Variants in APC observed in about 807,000 individuals in gnomAD.
The protein encoded by APC is APC regulator of Wnt signaling pathway, also known as adenomatous polyposis coli protein.
In APC, 72 loss-of-function variants were observed where a neutral mutation model predicts 247.0. That is an observed-to-expected ratio of 0.29 (90% CI 0.24 to 0.35). The LOEUF (loss-of-function observed/expected upper bound fraction) is 0.35, where lower values mean the gene tolerates loss of function less well. APC is among the 10% of genes least tolerant of loss of function. APC has a pLI of 1.00. For missense variants in APC, 3,400 were observed against 3,360.7 expected, an observed-to-expected ratio of 1.01 and a Z score of -0.29; for synonymous variants, 1,254 against 1,162.5, an observed-to-expected ratio of 1.08 and a Z score of -1.60.
intron 9 of APC, 69 bp downstream of exon 9, chr5:112,815,662 G>T (rs1419941688): frequency 3.0e-5 from 38 of 1,253,868 alleles, no homozygotes; most frequent in Non-Finnish European, 4.0e-5. Context: ...TTGGCCAGGT[G>T]CAGTGGCTCA....
intron 6 of APC, among the ~76,000 whole-genome samples, chr5:112,789,930 G>T (rs772787301): frequency 6.6e-6 from 1 of 151,026 alleles, no homozygotes; most frequent in Non-Finnish European, 1.5e-5. Flanking sequence ...GCACGATATC[G>T]CTCACTGCAA....
Position 112,839,198 on chromosome 5 carries a change from T to G in APC, c.3604T>G (p.Ser1202Ala), listed in dbSNP as rs766010012. The part of the protein sequence containing the change: ...KQSFSFSKSS[S>A]GQSSKTEHMS... ...GTCATTTTCATTCTCAAAGAGTTCA[T>G]CTGGACAAAGCAGTAAAACCGAACA... The change falls in exon 16 of 16, where the codon TCT (serine) becomes GCT (alanine). Residue 1202 changes from serine to alanine, a missense_variant. Ser to Ala is a moderately conservative substitution (Grantham distance 99, BLOSUM62 1). This residue lies in a region of APC where 715 missense variants were observed against 656.6 expected (regional missense o/e 1.09). Transcript: ENST00000257430. This position sits in a 1 kb window ranked among gnomAD's most constrained non-coding sequence, Gnocchi z 5.0. 2 of 1,614,040 alleles carry G rather than the reference T, an allele frequency of 1.2e-6. No individual in the cohort carries two copies. The highest frequency in any genetic ancestry group is 2.7e-5 in the African/African-American group (2 of 74,922).
rs1554085700 is a variant in APC at position 112,839,864 on chromosome 5, C to A, written c.4270C>A (p.Pro1424Thr). ...TGGCATTATAAGCCCCAGTGATCTT[C>A]CAGATAGCCCTGGACAAACCATGCC... ...VSGIISPSDL[P>T]DSPGQTMPPS... The change falls in exon 16 of 16, where the codon CCA becomes ACA. Residue 1424 changes from proline (P) to threonine (T), a missense_variant. Pro to Thr is a conservative substitution (Grantham distance 38). Transcript: ENST00000257430. The surrounding 1 kb of genome is among the most constrained non-coding windows in gnomAD (Gnocchi z 5.0). The A allele has an allele frequency of 6.2e-7, 1 of 1,613,940 alleles. No individual in the cohort carries two copies. Among genetic ancestry groups the A allele is most frequent in the Non-Finnish European group, 8.5e-7 (1 of 1,179,998 alleles).
chr5:112,751,094 A>T (rs1044223979), intron 1 of APC, among the ~76,000 whole-genome samples: 1 of 152,066 alleles, frequency 6.6e-6, no homozygotes, highest in Non-Finnish European at 1.5e-5. Context: ...TTTTTAAAAA[A>T]CTTTTAATTT....
At chr5:112,744,968 CACCT>C (rs1270237749) in intron 1 of APC, among the ~76,000 whole-genome samples, 1 of 152,112 alleles carries the variant, frequency 6.6e-6, no homozygotes, top group African/African-American at 2.4e-5. Flanking sequence ...AAATGAGTAA[CACCT>C]ACCTCATAGG....
At chr5:112,754,610 A>G (rs1271175755) in intron 1 of APC, among the ~76,000 whole-genome samples, 2 of 152,214 alleles carry the variant, frequency 1.3e-5, no homozygotes, top group Non-Finnish European at 2.9e-5. Flanking sequence ...AGTTTAATCC[A>G]TCTGTGAGAA....
At chr5:112,759,032 T>G (rs1357031880) in intron 2 of APC, among the ~76,000 whole-genome samples, 1 of 152,226 alleles carries the variant, frequency 6.6e-6, no homozygotes, top group African/African-American at 2.4e-5. Flanking sequence ...TATTGAAGCA[T>G]TTACATCTTT....
intron 13 of APC, among the ~76,000 whole-genome samples, chr5:112,828,539 A>C (rs917113939): frequency 2.6e-5 from 4 of 151,376 alleles, no homozygotes; most frequent in African/African-American, 9.7e-5. Flanking sequence ...AGTAACCTCA[A>C]GCTCCTGGGA....
At chr5:112,708,059 C>T (rs188992206) in intron 1 of APC, among the ~76,000 whole-genome samples, 1 of 152,320 alleles carries the variant, frequency 6.6e-6, no homozygotes, top group East Asian at 1.9e-4. Context: ...CCTGGCTTTG[C>T]AGGTCCTCCA....
At chr5:112,759,356 CT>C (rs887438895) in intron 2 of APC, among the ~76,000 whole-genome samples, 120 of 122,338 alleles carry the variant, frequency 9.8e-4, no homozygotes, top group Middle Eastern at 8.3e-3. Context: ...TTCTTTCTTT[CT>C]TTTTTTTTTT....
chr5:112,823,135 A>G (rs1763308582), intron 11 of APC, among the ~76,000 whole-genome samples: 1 of 152,224 alleles, frequency 6.6e-6, no homozygotes, highest in South Asian at 2.1e-4. Flanking sequence ...CATAACAGGA[A>G]GGGGATAAAA....
upstream of APC, among the ~76,000 whole-genome samples, chr5:112,734,777 T>TTGTG (rs71626673): frequency 2.7e-5 from 4 of 146,820 alleles, no homozygotes; most frequent in African/African-American, 7.6e-5. Context: ...AAGGGTTTTC[T>TTGTG]TGTGTGTGTG....
At chr5:112,780,620 C>T (rs919092375) in intron 5 of APC, among the ~76,000 whole-genome samples, 170 bp from the exon 6 acceptor site, 1 of 152,178 alleles carries the variant, frequency 6.6e-6, no homozygotes, top group African/African-American at 2.4e-5. Flanking sequence ...TTGAGTCTGA[C>T]ACCTATAATC....
At chr5:112,759,273 C>A (rs1755370240) in intron 2 of APC, among the ~76,000 whole-genome samples, 1 of 151,176 alleles carries the variant, frequency 6.6e-6, no homozygotes, top group Non-Finnish European at 1.5e-5. Context: ...CCTGAAATGA[C>A]AAAGTTGCTC....
chr5:112,801,129 A>C (rs1160993875), intron 7 of APC, 150 bp from the exon 8 acceptor site: 8 of 580,864 alleles, frequency 1.4e-5, no homozygotes, highest in Non-Finnish European at 2.2e-5. Context: ...ATCGTACTGG[A>C]GGTTATGAAG....
chr5:112,838,656 T>C lies in APC; in HGVS notation c.3062T>C (p.Leu1021Pro), dbSNP rs1765328284. The change falls in exon 16 of 16, where the codon CTA becomes CCA. Residue 1021 changes from leucine to proline, a missense_variant. Leu to Pro is a moderately conservative substitution (Grantham distance 98). Transcript: ENST00000257430. ...CATATGGATGATAATGATGGAGAAC[T>C]AGATACACCAATAAATTATAGTCTT... ...ANHMDDNDGELDTPINYSLKY... is the reference protein window; with the variant it reads ...ANHMDDNDGEPDTPINYSLKY... The C allele has an allele frequency of 6.2e-7, 1 of 1,614,140 alleles. No homozygotes were observed. The highest frequency in any genetic ancestry group is 8.5e-7 in the Non-Finnish European group (1 of 1,180,032).
chr5:112,710,146 C>A (rs1202744541), intron 1 of APC, among the ~76,000 whole-genome samples: 1 of 152,094 alleles, frequency 6.6e-6, no homozygotes, highest in African/African-American at 2.4e-5. Context: ...GTCCCCAATC[C>A]TAAATAAGCC....
In APC at chr5:112,828,807, A is replaced by T. The variant is rs1763998946; in HGVS notation, c.1627-49A>T. On this transcript the variant is annotated intron_variant, in intron 13 of 15. Coordinates refer to ENST00000257430, the MANE Select transcript of APC (RefSeq NM_000038.6). ...TGCTAGCATTAAAAACAAAAAAGCA[A>T]CTAGTATGATTTTATGTATAAATTA... 4.5e-6 allele frequency: 6 copies of T among 1,341,506 alleles called. No homozygotes were observed. The Admixed American group carries it at 1.0e-4, about 23-fold the overall frequency. 83.1% of individuals were successfully genotyped at this position (1,341,506 alleles called of 1,614,324 possible). A position where few individuals can be genotyped will look rare whatever the true frequency, so the allele number is the denominator to read the frequency against.
At chr5:112,764,298 C>T (rs1756023797) in intron 2 of APC, among the ~76,000 whole-genome samples, 1 of 150,920 alleles carries the variant, frequency 6.6e-6, no homozygotes, top group South Asian at 2.1e-4. Context: ...AAAAAGGCTG[C>T]TCTGACAGCT....
Sources: gnomAD v4.1 joint callset for allele counts (sites outside exome capture counted in the v4.1 genomes callset) on GRCh38, gnomAD v4.1.1 for gene constraint, gnomAD v4.1.1 regional missense constraint, Gnocchi (gnomAD v3.1) non-coding constraint, MANE v1.5 for transcripts, NCBI Gene and HGNC (gene_info 2026-07-23, HGNC 2026-07-21) for gene names.